Variants in CTDSP1 observed in about 807,000 individuals in gnomAD.
CTDSP1 encodes carboxy-terminal domain RNA polymerase II polypeptide A small phosphatase 1.
A neutral mutation model predicts 32.5 loss-of-function variants in CTDSP1; 15 were observed. The ratio of observed to expected loss-of-function variants is 0.46; its 90% CI spans 0.31 to 0.71. The LOEUF is 0.71. Ranked by LOEUF, CTDSP1 falls within the 30% of genes least tolerant of loss-of-function variation. The pLI, the probability that CTDSP1 is intolerant of heterozygous loss-of-function variation, is 0.05. For missense variants in CTDSP1, 294 were observed against 351.1 expected (o/e 0.84, Z 1.30); for synonymous variants, 185 against 145.4 (o/e 1.27, Z -1.96).
chr2:218,401,636 G>C lies in CTDSP1; in HGVS notation c.140G>C (p.Cys47Ser). 8 of 1,613,232 alleles carry C rather than the reference G, an allele frequency of 5.0e-6. No individual in the cohort carries two copies. The highest frequency in any genetic ancestry group is 5.9e-6 in the Non-Finnish European group (7 of 1,179,642). ...CTCCACTCACTCTTCTGCTGTGTCT[G>C]CCGGGATGATGGGGAGGCCCTGCCT... Reference protein sequence around the residue: ...GILHSLFCCVCRDDGEALPAH... With the variant: ...GILHSLFCCVSRDDGEALPAH... The change falls in exon 2 of 7, where the codon TGC becomes TCC. Residue 47 changes from cysteine (C) to serine (S), a missense_variant. Coordinates refer to ENST00000273062, the MANE Select transcript of CTDSP1 (RefSeq NM_021198.3).
Position 218,401,665 on chromosome 2 carries a change from C to T in CTDSP1, c.169C>T (p.His57Tyr). Residue 57 changes from histidine to tyrosine, a missense_variant, in exon 2 of 7, where the codon CAC becomes TAC. His to Tyr is a moderately conservative substitution (Grantham distance 83). Coordinates refer to ENST00000273062, the MANE Select transcript of CTDSP1 (RefSeq NM_021198.3). ...GGATGATGGGGAGGCCCTGCCTGCTCACAGCGGGGCGCCCCTGCTTGTGGA... is the reference window on the plus strand; with the variant it reads ...GGATGATGGGGAGGCCCTGCCTGCTTACAGCGGGGCGCCCCTGCTTGTGGA... ...CRDDGEALPA[H>Y]SGAPLLVEEN... is the part of the protein sequence containing the mutation. 1.2e-6 allele frequency: 2 copies of T among 1,607,822 alleles called. No individual in the cohort carries two copies. Among genetic ancestry groups the T allele is most frequent in the South Asian group, 1.1e-5 (1 of 90,442 alleles).
Position 218,404,641 on chromosome 2 carries a change from A to G in CTDSP1, c.*216A>G, listed in dbSNP as rs1017990226. On this transcript the variant is annotated 3_prime_UTR_variant, in exon 7 of 7. Coordinates refer to ENST00000273062, the MANE Select transcript of CTDSP1 (RefSeq NM_021198.3). ...TCCAGGCCCCGTGTCAGTGCCTTCAAACCTCCTCCCCTATTCTCAGGGGAC... is the reference window on the plus strand; with the variant it reads ...TCCAGGCCCCGTGTCAGTGCCTTCAGACCTCCTCCCCTATTCTCAGGGGAC... 2.8e-5 allele frequency: 15 copies of G among 541,706 alleles called. No homozygotes were observed. Among genetic ancestry groups the G allele is most frequent in the Admixed American group, 6.9e-5 (2 of 29,018 alleles). The allele number at this position is 541,706 out of a possible 1,614,324, so 33.6% of individuals were successfully genotyped here.
At chr2:218,401,736 AC>A in intron 2 of CTDSP1, 24 bp downstream of exon 2, 1 of 1,534,170 alleles carries the variant, frequency 6.5e-7, no homozygotes, top group Non-Finnish European at 8.8e-7. Flanking sequence ...AGGTGGGGCC[AC>A]GGGGGCACCT....
rs1466752834 is a variant in CTDSP1, at chr2:218,401,711, A to G, written c.215A>G (p.Lys72Arg). The G allele has an allele frequency of 6.4e-7, 1 of 1,571,054 alleles. No homozygotes were observed. The highest frequency in any genetic ancestry group is 8.6e-7 in the Non-Finnish European group (1 of 1,158,140). ...GTGGAGGAGAATGGCGCCATCCCTAAGGTGCGTGGGGGCCAGGTGGGGCCA... is the reference window on the plus strand; with the variant it reads ...GTGGAGGAGAATGGCGCCATCCCTAGGGTGCGTGGGGGCCAGGTGGGGCCA... ...LLVEENGAIPKQTPVQYLLPE... is the reference protein window; with the variant it reads ...LLVEENGAIPRQTPVQYLLPE... Residue 72 changes from lysine to arginine, a missense_variant and splice_region_variant, in exon 2 of 7, where the codon AAG (lysine) becomes AGG (arginine). Physicochemically the swap from Lys to Arg is conservative, Grantham distance 26 (BLOSUM62 2). Transcript: ENST00000273062.
Position 218,400,114 on chromosome 2 carries a change from T to C in CTDSP1, c.24T>C (p.Thr8=). The C allele has an allele frequency of 1.3e-6, 2 of 1,543,232 alleles. No individual in the cohort carries two copies. Among genetic ancestry groups the C allele is most frequent in the East Asian group, 2.5e-5 (1 of 40,390 alleles). Residue 8 remains threonine (T), a synonymous_variant, in exon 1 of 7, where the codon ACT becomes ACC. Transcript: ENST00000273062. ...CCATGGACAGCTCGGCCGTCATTACTCAGATCAGCAAGGAGGAGGCTCGGG... is the reference window on the plus strand; with the variant it reads ...CCATGGACAGCTCGGCCGTCATTACCCAGATCAGCAAGGAGGAGGCTCGGG... MDSSAVI[T]QISKEEARGP...
In CTDSP1 at chr2:218,400,123, C is replaced by T. The variant is rs537523584; in HGVS notation, c.33C>T (p.Ser11=). The change falls in exon 1 of 7, where the codon AGC becomes AGT. Residue 11 remains serine (S), a synonymous_variant. Coordinates refer to ENST00000273062, the MANE Select transcript of CTDSP1 (RefSeq NM_021198.3). Reference sequence around the variant, plus strand: ...GCTCGGCCGTCATTACTCAGATCAGCAAGGAGGAGGCTCGGGGCCCGCTGC... The same window carrying T: ...GCTCGGCCGTCATTACTCAGATCAGTAAGGAGGAGGCTCGGGGCCCGCTGC... MDSSAVITQI[S]KEEARGPLRG... 1 of 1,545,522 alleles carries T rather than the reference C, an allele frequency of 6.5e-7. No individual in the cohort carries two copies. Among genetic ancestry groups the T allele is most frequent in the Non-Finnish European group, 8.7e-7 (1 of 1,145,266 alleles).
Position 218,403,071 on chromosome 2 carries a change from C to T in CTDSP1, c.415C>T (p.Leu139=), listed in dbSNP as rs903304393. 1.9e-6 allele frequency: 3 copies of T among 1,614,066 alleles called. No homozygotes were observed. The highest frequency in any genetic ancestry group is 2.7e-5 in the African/African-American group (2 of 74,944). The change falls in exon 5 of 7, where the codon CTG becomes TTG. Residue 139 remains leucine, a synonymous_variant. Coordinates refer to ENST00000273062, the MANE Select transcript of CTDSP1 (RefSeq NM_021198.3). ...VLKRPHVDEF[L]QRMGELFECV... ...GAAGCGTCCTCACGTGGATGAGTTC[C>T]TGCAGCGAATGGGCGAGCTCTTTGA...
chr2:218,397,675 G>T (rs928001439), upstream of CTDSP1, among the ~76,000 whole-genome samples: 1 of 152,136 alleles, frequency 6.6e-6, no homozygotes, highest in African/African-American at 2.4e-5. Context: ...AAAATAGAGT[G>T]CATAAAGCGA....
In CTDSP1 at chr2:218,400,073, C is replaced by A; in HGVS notation, c.-18C>A. 1.4e-6 allele frequency: 2 copies of A among 1,421,378 alleles called. No homozygotes were observed. Among genetic ancestry groups the A allele is most frequent in the Non-Finnish European group, 1.8e-6 (2 of 1,085,532 alleles). The allele number at this position is 1,421,378 out of a possible 1,614,324, so 88.0% of individuals were successfully genotyped here. The stretch of plus-strand genomic sequence containing the variant: ...CGCCCGGGCCAGAGTCCGGCCGGAG[C>A]GGAGCGCGCCCGGCCCCATGGACAG... On this transcript the variant is annotated 5_prime_UTR_variant, in exon 1 of 7. Coordinates refer to ENST00000273062, the MANE Select transcript of CTDSP1 (RefSeq NM_021198.3).
At position 218,400,153 on chromosome 2, in the gene CTDSP1, C is replaced by T; in HGVS notation, c.63C>T (p.Gly21=). 6.5e-7 allele frequency: 1 copy of T among 1,545,130 alleles called. No individual in the cohort carries two copies. Among genetic ancestry groups the T allele is most frequent in the East Asian group, 2.5e-5 (1 of 40,704 alleles). The change falls in exon 1 of 7, where the codon GGC becomes GGT. Residue 21 remains glycine (G), a synonymous_variant. Transcript: ENST00000273062. ...AGGAGGCTCGGGGCCCGCTGCGGGG[C>T]AAAGGTACCGGGGCTGCGGGGAGGG... The part of the protein sequence containing the change: ...SKEEARGPLR[G]KGDQKSAASQ...
In CTDSP1 at chr2:218,403,130, G is replaced by A. The variant is rs1278123574; in HGVS notation, c.471+3G>A. On this transcript the variant is annotated splice_donor_region_variant and intron_variant, in intron 5 of 6. Transcript: ENST00000273062. ...TGTTCACTGCTAGCCTCGCCAAGGT[G>A]AGCCCCACAGGGGTCCCGGGGCAAC... 5 of 1,613,970 alleles carry A rather than the reference G, an allele frequency of 3.1e-6. No homozygotes were observed. The highest frequency in any genetic ancestry group is 1.3e-5 in the African/African-American group (1 of 74,928).
Position 218,405,514 on chromosome 2 carries a change from G to T in CTDSP1, c.*1089G>T, listed in dbSNP as rs574305124. 19 of 153,052 alleles carry T rather than the reference G, an allele frequency of 1.2e-4. No individual in the cohort carries two copies. The highest frequency in any genetic ancestry group is 3.6e-4 in the African/African-American group (15 of 41,562). 9.5% of individuals were successfully genotyped at this position (153,052 alleles called of 1,614,324 possible). On this transcript the variant is annotated 3_prime_UTR_variant, in exon 7 of 7. Transcript: ENST00000273062. ...GTGCCTCCTTGCCCATCCTTCACCG[G>T]TGCCTTTGGGGGATCTGTAGGAGGT... is the stretch of plus-strand genomic sequence containing the variant.
chr2:218,401,622 C>T lies in CTDSP1; in HGVS notation c.126C>T (p.Leu42=), dbSNP rs1264966249. The T allele has an allele frequency of 3.1e-6, 5 of 1,613,720 alleles. No individual in the cohort carries two copies. The highest frequency in any genetic ancestry group is 2.7e-5 in the African/African-American group (2 of 74,938). Residue 42 remains leucine (L), a synonymous_variant, in exon 2 of 7, where the codon CTC becomes CTT. Transcript: ENST00000273062. ...KPRSRGILHS[L]FCCVCRDDGE... Reference sequence around the variant, plus strand: ...GAAGCCGGGGCATCCTCCACTCACTCTTCTGCTGTGTCTGCCGGGATGATG... The same window carrying T: ...GAAGCCGGGGCATCCTCCACTCACTTTTCTGCTGTGTCTGCCGGGATGATG...
upstream of CTDSP1, chr2:218,399,701 G>C: frequency 3.0e-6 from 3 of 986,358 alleles, no homozygotes; most frequent in Non-Finnish European, 3.6e-6. Flanking sequence ...GGCAGGAAGG[G>C]AGGCGACGCC....
At chr2:218,399,664 C>T (rs1696996787), upstream of CTDSP1, 3 of 909,222 alleles carry the variant, frequency 3.3e-6, no homozygotes, top group Non-Finnish European at 3.9e-6. Context: ...GCCACGCAGC[C>T]GCAGAGACTC....
chr2:218,403,915 C>T (rs1399656885), intron 6 of CTDSP1, among the ~76,000 whole-genome samples: 2 of 152,152 alleles, frequency 1.3e-5, no homozygotes, highest in African/African-American at 4.8e-5. Context: ...CAAAAACTAG[C>T]CAGGCGTGGT....
At chr2:218,403,975 A>T (rs2695339) in intron 6 of CTDSP1, among the ~76,000 whole-genome samples, 1 of 151,860 alleles carries the variant, frequency 6.6e-6, no homozygotes, top group Non-Finnish European at 1.5e-5. Flanking sequence ...TAGGAGTATC[A>T]CTTGAGCCCT....
chr2:218,404,449 G>A lies in CTDSP1; in HGVS notation c.*24G>A. ...AGTGAGGGTGATGGGGCCAGGACCT[G>A]CCCCTGACCAATGATACCCACACCT... On this transcript the variant is annotated 3_prime_UTR_variant, in exon 7 of 7. Coordinates refer to ENST00000273062, the MANE Select transcript of CTDSP1 (RefSeq NM_021198.3). 1 of 1,612,758 alleles carries A rather than the reference G, an allele frequency of 6.2e-7. No homozygotes were observed. The highest frequency in any genetic ancestry group is 8.5e-7 in the Non-Finnish European group (1 of 1,179,414).
chr2:218,404,323 C>G lies in CTDSP1; in HGVS notation c.684C>G (p.Asn228Lys). 1 of 1,614,208 alleles carries G rather than the reference C, an allele frequency of 6.2e-7. No homozygotes were observed. Among genetic ancestry groups the G allele is most frequent in the Non-Finnish European group, 8.5e-7 (1 of 1,180,034 alleles). ...TACCGGTGGCCTCGTGGTTTGACAA[C>G]ATGAGTGACACAGAGCTCCACGACC... ...NAVPVASWFD[N>K]MSDTELHDLL... Residue 228 changes from asparagine (N) to lysine (K), a missense_variant, in exon 7 of 7, where the codon AAC (asparagine) becomes AAG (lysine). This residue lies in a region of CTDSP1 where 146 missense variants were observed against 237.7 expected (regional missense o/e 0.61). Coordinates refer to ENST00000273062, the MANE Select transcript of CTDSP1 (RefSeq NM_021198.3).
Sources: allele counts gnomAD v4.1 joint callset (sites outside exome capture counted in the v4.1 genomes callset), GRCh38; gene constraint gnomAD v4.1.1; regional missense constraint gnomAD v4.1.1; transcripts MANE v1.5; gene names NCBI Gene and HGNC (gene_info 2026-07-23, HGNC 2026-07-21).